Variants in SLC25A30 observed in about 807,000 individuals in gnomAD.
SLC25A30 encodes the protein solute carrier family 25 member 30.
A neutral mutation model predicts 42.7 loss-of-function variants in SLC25A30; 29 were observed. The ratio of observed to expected loss-of-function variants is 0.68; its 90% CI spans 0.51 to 0.93. SLC25A30 has a LOEUF of 0.93. Ranked by LOEUF, SLC25A30 falls within the 40% of genes least tolerant of loss-of-function variation. The pLI is 0.00. For synonymous variants in SLC25A30, 124 were observed against 131.0 expected, an observed-to-expected ratio of 0.95 and a Z score of 0.37; for missense variants, 300 against 359.7, an observed-to-expected ratio of 0.83 and a Z score of 1.34.
In SLC25A30 at chr13:45,399,041, AG is replaced by A. The variant is rs776010840; in HGVS notation, c.651del (p.Ser218GlnfsTer7). ...SFTCGLAGAL[A>X]SNPVDVVRTR... ...GTCCTCACAACATCAACAGGGTTTG[AG>A]GCCAGGGCCCCTGCCAGACCACAGG... On this transcript the variant is annotated frameshift_variant, in exon 8 of 10. Coordinates refer to ENST00000519676, the MANE Select transcript of SLC25A30 (RefSeq NM_001010875.4). LOFTEE classifies it high-confidence loss of function. 1 of 1,613,490 alleles carries A rather than the reference AG, an allele frequency of 6.2e-7. No homozygotes were observed. The highest frequency in any genetic ancestry group is 8.5e-7 in the Non-Finnish European group (1 of 1,179,754).
At chr13:45,425,832 A>G in the SLC25A30 span, among the ~76,000 whole-genome samples, 1 of 146,026 alleles carries the variant, frequency 6.8e-6, no homozygotes, top group African/African-American at 2.5e-5. Context: ...AGCTGGGATT[A>G]CAGGTGCCCG....
At chr13:45,421,759 G>A (rs1883897362), upstream of SLC25A30, among the ~76,000 whole-genome samples, 1 of 152,100 alleles carries the variant, frequency 6.6e-6, no homozygotes, top group Non-Finnish European at 1.5e-5. Context: ...GAATTCATCT[G>A]GCCATGGCAC....
At chr13:45,417,639 A>G (rs1319517320) in intron 1 of SLC25A30, among the ~76,000 whole-genome samples, 1 of 152,220 alleles carries the variant, frequency 6.6e-6, no homozygotes, top group Non-Finnish European at 1.5e-5. Context: ...CAAAAGCAAG[A>G]TTCATGCCTT....
chr13:45,428,961 T>G, the SLC25A30 span, among the ~76,000 whole-genome samples: 1 of 151,052 alleles, frequency 6.6e-6, no homozygotes, highest in African/African-American at 2.4e-5. Flanking sequence ...GATGGAGCAA[T>G]GACTTAAATT....
chr13:45,396,473 C>CT (rs1881336449), intron 9 of SLC25A30: 1 of 502,426 alleles, frequency 2.0e-6, no homozygotes, highest in Admixed American at 5.4e-5. Context: ...CTCTGCCCTT[C>CT]AGTGTCTAAT....
upstream of SLC25A30, chr13:45,418,505 C>G (rs1216268040): frequency 6.6e-6 from 1 of 152,636 alleles, no homozygotes; most frequent in Non-Finnish European, 1.5e-5. Flanking sequence ...ACACCCCTGA[C>G]AGCCCCAGAT....
rs777221439 is a variant in SLC25A30 at position 45,398,849 on chromosome 13, CTTAGT to C, written c.753+86_753+90del. 4.5e-5 allele frequency: 63 copies of C among 1,414,222 alleles called. No individual in the cohort carries two copies. In the Middle Eastern group the frequency reaches 9.0e-4, roughly 20 times the overall value. The allele number at this position is 1,414,222 out of a possible 1,614,324, so 87.6% of individuals were successfully genotyped here. On this transcript the variant is annotated intron_variant, in intron 8 of 9. Transcript: ENST00000519676. ...CTCTGGGCTTTAAAGCATCATTCATCTTAGTTTTAGTAGCTTTCATAATTTAGTTA... is the reference window on the plus strand; with the variant it reads ...CTCTGGGCTTTAAAGCATCATTCATCTTTAGTAGCTTTCATAATTTAGTTA...
At chr13:45,424,539 ATATAAATATATAAATATATATAAATG>A in the SLC25A30 span, among the ~76,000 whole-genome samples, 180 of 79,748 alleles carry the variant, frequency 2.3e-3, 39 homozygotes, top group Non-Finnish European at 3.6e-3. Context: ...ATATATAAAT[ATATAAATATATAAATATATATAAATG>A]TATAAATATA....
Position 45,395,854 on chromosome 13 carries a change from G to A in SLC25A30, c.*120C>T. Reference sequence around the variant, plus strand: ...ATCTCAACTAACCCAGTCTTCATCTGTTGCTCACATCCCAGAATCTGTGAT... The same window carrying A: ...ATCTCAACTAACCCAGTCTTCATCTATTGCTCACATCCCAGAATCTGTGAT... On this transcript the variant is annotated 3_prime_UTR_variant, in exon 10 of 10. Transcript: ENST00000519676. 1 of 1,599,128 alleles carries A rather than the reference G, an allele frequency of 6.3e-7. No individual in the cohort carries two copies. The highest frequency in any genetic ancestry group is 8.5e-7 in the Non-Finnish European group (1 of 1,172,926).
At chr13:45,418,951 A>AC (rs1883773097), upstream of SLC25A30, among the ~76,000 whole-genome samples, 1 of 59,970 alleles carries the variant, frequency 1.7e-5, no homozygotes, top group Non-Finnish European at 3.1e-5. Context: ...AAAAAAAAAA[A>AC]AAAAAAAAAA....
At chr13:45,402,059 CAA>C (rs66565783) in intron 6 of SLC25A30, among the ~76,000 whole-genome samples, 205 of 83,866 alleles carry the variant, frequency 2.4e-3, no homozygotes, top group South Asian at 0.023. Flanking sequence ...GACTCCATCT[CAA>C]AAAAAAAAAA....
chr13:45,400,014 T>TTATATATATATGTATATA (rs1338195041), intron 7 of SLC25A30, among the ~76,000 whole-genome samples: 9 of 88,834 alleles, frequency 1.0e-4, no homozygotes, highest in East Asian at 2.8e-4. Flanking sequence ...TTATGTATGA[T>TTATATATATATGTATATA]TATATATATA....
At chr13:45,424,440 TATATAAAA>T in the SLC25A30 span, among the ~76,000 whole-genome samples, 7 of 70,408 alleles carry the variant, frequency 9.9e-5, no homozygotes, top group African/African-American at 3.8e-4. Flanking sequence ...TATATATAAA[TATATAAAA>T]ATATATAAAC....
the SLC25A30 span, among the ~76,000 whole-genome samples, chr13:45,424,626 T>TATGTAGAAATATATAG: frequency 1.7e-5 from 1 of 58,460 alleles, no homozygotes; most frequent in African/African-American, 6.4e-5. Flanking sequence ...TAAATATATA[T>TATGTAGAAATATATAG]AAATATGTAT....
At position 45,406,088 on chromosome 13, in the gene SLC25A30, ATT is replaced by A. The variant is rs34513916; in HGVS notation, c.213-113_213-112del. On this transcript the variant is annotated intron_variant, in intron 3 of 9. Coordinates refer to ENST00000519676, the MANE Select transcript of SLC25A30 (RefSeq NM_001010875.4). Reference sequence around the variant, plus strand: ...TAATCAAACTACATTCTCTAAAACAATTTTTTTTTTTTGAGACGGAGTTTCGC... The same window carrying A: ...TAATCAAACTACATTCTCTAAAACAATTTTTTTTTTGAGACGGAGTTTCGC... 2.2e-3 allele frequency: 1,607 copies of A among 723,784 alleles called. 12 individuals carry two copies. The highest frequency in any genetic ancestry group is 0.016 in the South Asian group (787 of 49,804). 44.8% of individuals were successfully genotyped at this position (723,784 alleles called of 1,614,324 possible). A position where few individuals can be genotyped will look rare whatever the true frequency, so the allele number is the denominator to read the frequency against.
rs1160642989 is a variant in SLC25A30, at chr13:45,393,502, A to G, written c.*2472T>C. ...AAGGACAGGAGCCACTTTTTATATT[A>G]TGAATCCACAACATTAAGCATCAAT... On this transcript the variant is annotated 3_prime_UTR_variant, in exon 10 of 10. Coordinates refer to ENST00000519676, the MANE Select transcript of SLC25A30 (RefSeq NM_001010875.4). 2.0e-6 allele frequency: 2 copies of G among 985,252 alleles called. No individual in the cohort carries two copies. Among genetic ancestry groups the G allele is most frequent in the Non-Finnish European group, 2.4e-6 (2 of 829,870 alleles). 61.0% of individuals were successfully genotyped at this position (985,252 alleles called of 1,614,324 possible). A position where few individuals can be genotyped will look rare whatever the true frequency, so the allele number is the denominator to read the frequency against.
chr13:45,401,178 A>G lies in SLC25A30; in HGVS notation c.519T>C (p.Ala173=), dbSNP rs537725267. The change falls in exon 7 of 10, where the codon GCT becomes GCC. Residue 173 remains alanine (A), a synonymous_variant. Coordinates refer to ENST00000519676, the MANE Select transcript of SLC25A30 (RefSeq NM_001010875.4). The part of the protein sequence containing the change: ...KGVSLTAQRA[A]IVVGVELPVY... ...CCGGCAGCTCCACACCAACAACAAT[A>G]GCAGCCCTCTGCGCAGTAAGGGACA... 11 of 1,614,148 alleles carry G rather than the reference A, an allele frequency of 6.8e-6. 1 individual carries two copies. The Admixed American group carries it at 1.8e-4, about 27-fold the overall frequency.
chr13:45,393,982 T>G lies in SLC25A30; in HGVS notation c.*1992A>C. The G allele has an allele frequency of 1.0e-6, 1 of 984,604 alleles. No homozygotes were observed. The highest frequency in any genetic ancestry group is 1.2e-6 in the Non-Finnish European group (1 of 829,272). 61.0% of individuals were successfully genotyped at this position (984,604 alleles called of 1,614,324 possible). ...TGTATGCATATTTGAAAAAGTAAAATTTTTCTACATTAAAAAAAGAGCATT... is the reference window on the plus strand; with the variant it reads ...TGTATGCATATTTGAAAAAGTAAAAGTTTTCTACATTAAAAAAAGAGCATT... On this transcript the variant is annotated 3_prime_UTR_variant, in exon 10 of 10. Transcript: ENST00000519676.
chr13:45,420,255 C>G (rs1358397398), upstream of SLC25A30: 3 of 152,158 alleles, frequency 2.0e-5, no homozygotes, highest in African/African-American at 2.4e-5. Context: ...CAGCTCAGGC[C>G]CCAGGTTGAG....
Sources: gnomAD v4.1 joint callset for allele counts (sites outside exome capture counted in the v4.1 genomes callset) on GRCh38, gnomAD v4.1.1 for gene constraint, MANE v1.5 for transcripts, NCBI Gene and HGNC (gene_info 2026-07-23, HGNC 2026-07-21) for gene names.